The following PRH1 variants were observed in gnomAD, a reference collection of about 807,000 sequenced individuals.
PRH1 encodes salivary acidic proline-rich phosphoprotein 1/2.
In PRH1, 7 loss-of-function variants were observed where a neutral mutation model predicts 7.9. The observed-to-expected ratio is 0.89, with a 90% CI of 0.50 to 1.67. The LOEUF (loss-of-function observed/expected upper bound fraction) is 1.67. Among genes scored for constraint, PRH1 ranks in the 40% most tolerant of loss-of-function variants. The probability of loss-of-function intolerance (pLI) is 0.00; values close to 1 mark genes in which losing one functional copy is unlikely to be tolerated. For synonymous variants in PRH1, 45 were observed against 80.8 expected, an observed-to-expected ratio of 0.56 and a Z score of 2.38; for missense variants, 109 against 223.6, an observed-to-expected ratio of 0.49 and a Z score of 3.27.
chr12:11,001,022 G>A (rs577189895), intron 1 of PRH1, among the ~76,000 whole-genome samples: 8 of 151,920 alleles, frequency 5.3e-5, no homozygotes, highest in East Asian at 1.9e-4. Flanking sequence ...TTTGTTTTTC[G>A]TATGCTTGAC....
intron 1 of PRH1, among the ~76,000 whole-genome samples, chr12:11,128,369 C>T (rs1469462485): frequency 1.3e-5 from 2 of 151,412 alleles, no homozygotes; most frequent in East Asian, 1.9e-4. Flanking sequence ...TGGAGTCAGA[C>T]GCCAGGTCAG....
At chr12:10,998,404 G>A (rs7301364) in intron 1 of PRH1, among the ~76,000 whole-genome samples, 46,314 of 151,952 alleles carry the variant, frequency 0.3, 8,918 homozygotes, top group East Asian at 0.74. Context: ...TAAATACACA[G>A]AATCTAAACT....
chr12:11,138,835 T>A (rs1946628278), intron 1 of PRH1, among the ~76,000 whole-genome samples: 1 of 152,058 alleles, frequency 6.6e-6, no homozygotes, highest in Non-Finnish European at 1.5e-5. Flanking sequence ...GCACAGGAGT[T>A]CAAGACCAGC....
intron 1 of PRH1, chr12:10,997,702 C>A: frequency 6.2e-7 from 1 of 1,613,810 alleles, no homozygotes; most frequent in Non-Finnish European, 8.5e-7. Context: ...TTACCCAGAG[C>A]AAACCAACTC....
At chr12:10,890,701 C>T (rs1449933032) in intron 2 of PRH1, among the ~76,000 whole-genome samples, 1 of 151,862 alleles carries the variant, frequency 6.6e-6, no homozygotes, top group Non-Finnish European at 1.5e-5. Flanking sequence ...TAGTGAGACT[C>T]CTCTGTCTTT....
intron 2 of PRH1, among the ~76,000 whole-genome samples, chr12:10,896,408 C>T (rs1232286447): frequency 6.6e-6 from 1 of 152,086 alleles, no homozygotes; most frequent in Non-Finnish European, 1.5e-5. Context: ...ATAAAATATG[C>T]AAAGTTTAAG....
chr12:10,908,240 G>A (rs1179822641), intron 2 of PRH1: 2 of 633,904 alleles, frequency 3.2e-6, no homozygotes, highest in Non-Finnish European at 5.2e-6. Context: ...CTATTATAGA[G>A]AAGAATTTAA....
chr12:11,138,901 G>C (rs181240537), intron 1 of PRH1, among the ~76,000 whole-genome samples: 1 of 152,214 alleles, frequency 6.6e-6, no homozygotes, highest in East Asian at 1.9e-4. Context: ...TTAGCAGGGC[G>C]TGGTGGTGCA....
intron 1 of PRH1, among the ~76,000 whole-genome samples, chr12:11,130,859 T>A (rs1946320893): frequency 6.6e-6 from 1 of 152,032 alleles, no homozygotes; most frequent in Admixed American, 6.6e-5. Flanking sequence ...ACTGTGCAAG[T>A]CATATGCTCA....
chr12:10,992,514 G>A (rs530427520), intron 1 of PRH1, among the ~76,000 whole-genome samples: 1 of 152,142 alleles, frequency 6.6e-6, no homozygotes, highest in East Asian at 1.9e-4. Context: ...CAAATTCCTG[G>A]GCTAAACTGA....
At chr12:10,967,633 TG>T (rs1411008850) in intron 2 of PRH1, among the ~76,000 whole-genome samples, 2 of 152,198 alleles carry the variant, frequency 1.3e-5, no homozygotes, top group African/African-American at 4.8e-5. Flanking sequence ...CTTTTTGTTT[TG>T]TTTTGTTTTG....
chr12:11,133,219 T>C (rs200393293), intron 1 of PRH1: 74 of 975,144 alleles, frequency 7.6e-5, no homozygotes, highest in Middle Eastern at 5.9e-4. Flanking sequence ...ATTATTCATA[T>C]ACATATATTA....
intron 1 of PRH1, among the ~76,000 whole-genome samples, chr12:10,979,886 T>G (rs1939274073): frequency 6.6e-6 from 1 of 152,170 alleles, no homozygotes; most frequent in Non-Finnish European, 1.5e-5. Context: ...GAAGTCTTCA[T>G]TAACAAAAGG....
chr12:11,063,674 A>G (rs1356536275), intron 1 of PRH1, among the ~76,000 whole-genome samples: 1 of 152,138 alleles, frequency 6.6e-6, no homozygotes, highest in Non-Finnish European at 1.5e-5. Flanking sequence ...GGAAATATGT[A>G]CAACCTTGTT....
chr12:10,908,730 G>T (rs1196955907), intron 2 of PRH1: 1 of 1,613,692 alleles, frequency 6.2e-7, no homozygotes, highest in Admixed American at 1.7e-5. Context: ...CACAGTAAAT[G>T]GTGTTAGACT....
intron 1 of PRH1, among the ~76,000 whole-genome samples, chr12:11,029,337 A>C (rs1467355447): frequency 6.6e-6 from 1 of 152,072 alleles, no homozygotes; most frequent in African/African-American, 2.4e-5. Context: ...GGCTCATCTC[A>C]TAATTAATAC....
chr12:11,057,057 A>C (rs961608897), intron 1 of PRH1, among the ~76,000 whole-genome samples: 19 of 151,398 alleles, frequency 1.3e-4, no homozygotes, highest in Non-Finnish European at 2.5e-4. Flanking sequence ...CCCAAGCTGG[A>C]GTACAGTGGC....
intron 1 of PRH1, chr12:11,133,975 T>A (rs768214075): frequency 6.2e-7 from 1 of 1,614,104 alleles, no homozygotes; most frequent in South Asian, 1.1e-5. Context: ...AATGGTTGGT[T>A]ACTGCCCAGA....
At chr12:11,070,746 C>G (rs1330535400) in intron 1 of PRH1, among the ~76,000 whole-genome samples, 8 of 119,108 alleles carry the variant, frequency 6.7e-5, no homozygotes, top group Admixed American at 4.1e-4. Context: ...TGAACTAACA[C>G]TAATTATCTA....
Sources: allele counts gnomAD v4.1 joint callset (sites outside exome capture counted in the v4.1 genomes callset), GRCh38; gene constraint gnomAD v4.1.1; transcripts MANE v1.5; gene names NCBI Gene and HGNC (gene_info 2026-07-23, HGNC 2026-07-21).